The following ZNF521 variants were observed in gnomAD, a reference collection of about 807,000 sequenced individuals.
The protein encoded by ZNF521 is LYST-interacting protein 3.
In ZNF521, 14 loss-of-function variants were observed where a neutral mutation model predicts 105.5. The observed-to-expected ratio is 0.13, with a 90% confidence interval of 0.09 to 0.21. The LOEUF (loss-of-function observed/expected upper bound fraction) is 0.21, where lower values mean the gene tolerates loss of function less well. Ranked by LOEUF, ZNF521 falls within the 10% of genes least tolerant of loss-of-function variation. The pLI, the probability that ZNF521 is intolerant of heterozygous loss-of-function variation, is 1.00. For synonymous variants in ZNF521, 635 were observed against 606.0 expected (o/e 1.05, Z -0.70); for missense variants, 1,233 against 1,629.7 (o/e 0.76, Z 4.19).
At chr18:25,224,274 A>C in intron 4 of ZNF521, 71 bp downstream of exon 4, 1 of 1,333,352 alleles carries the variant, frequency 7.5e-7, no homozygotes, top group Non-Finnish European at 1.0e-6. Context: ...AAAGCTGTGG[A>C]GAGTGTAAAC....
intron 3 of ZNF521, among the ~76,000 whole-genome samples, chr18:25,269,207 C>T (rs928226746): frequency 2.9e-4 from 44 of 151,472 alleles, no homozygotes; most frequent in African/African-American, 9.0e-4. Context: ...ATTACATAAT[C>T]GTAAAGGAAT....
intron 2 of ZNF521, among the ~76,000 whole-genome samples, chr18:25,343,758 A>G (rs1914335844): frequency 6.6e-6 from 1 of 152,190 alleles, no homozygotes; most frequent in Non-Finnish European, 1.5e-5. Flanking sequence ...AGGATTTTTC[A>G]AAGCATTTAC....
intron 7 of ZNF521, among the ~76,000 whole-genome samples, chr18:25,066,563 G>GT (rs1276509999): frequency 6.6e-6 from 1 of 152,166 alleles, no homozygotes; most frequent in Non-Finnish European, 1.5e-5. Context: ...AGCACTCAGT[G>GT]TTTTTTGTGT....
chr18:25,170,417 A>G (rs1432518420), intron 5 of ZNF521, among the ~76,000 whole-genome samples: 1 of 152,098 alleles, frequency 6.6e-6, no homozygotes, highest in Non-Finnish European at 1.5e-5. Context: ...CAAATACAAC[A>G]TCTTTGTCCT....
chr18:25,247,404 C>A (rs1406630519), intron 3 of ZNF521, among the ~76,000 whole-genome samples: 7 of 152,118 alleles, frequency 4.6e-5, no homozygotes, highest in African/African-American at 1.7e-4. Context: ...CAAATGCAAA[C>A]ATTTGTGATC....
At chr18:25,158,891 G>T (rs2035197718) in intron 5 of ZNF521, among the ~76,000 whole-genome samples, 1 of 151,980 alleles carries the variant, frequency 6.6e-6, no homozygotes, top group Non-Finnish European at 1.5e-5. Flanking sequence ...AGAAGGTGGA[G>T]GTTGCAGTGA....
rs776855705 is a variant in ZNF521, at chr18:25,352,047, A to G, written c.-44T>C. 1 of 497,090 alleles carries G rather than the reference A, an allele frequency of 2.0e-6. No individual in the cohort carries two copies. Among genetic ancestry groups the G allele is most frequent in the Non-Finnish European group, 4.0e-6 (1 of 247,460 alleles). The allele number at this position is 497,090 out of a possible 1,614,324, so 30.8% of individuals were successfully genotyped here. On this transcript the variant is annotated 5_prime_UTR_variant, in exon 1 of 8. Transcript: ENST00000361524. ...GCGCTGTCGCTCCGGTAGTCCACAT[A>G]ATAATGGAAAATGGAAGCAAGGCCC... is the stretch of plus-strand genomic sequence containing the variant.
intron 4 of ZNF521, among the ~76,000 whole-genome samples, chr18:25,203,360 T>A (rs1334730386): frequency 3.9e-5 from 6 of 152,196 alleles, no homozygotes; most frequent in Non-Finnish European, 7.3e-5. Context: ...CTCATGCCTA[T>A]AACTCCAGCA....
intron 3 of ZNF521, among the ~76,000 whole-genome samples, chr18:25,246,508 T>G (rs1347975858): frequency 1.3e-5 from 2 of 152,218 alleles, no homozygotes; most frequent in Non-Finnish European, 2.9e-5. Flanking sequence ...GTTCACTATA[T>G]TTTATATTGT....
chr18:25,088,219 CTT>C (rs549305074), intron 7 of ZNF521, among the ~76,000 whole-genome samples: 4 of 147,686 alleles, frequency 2.7e-5, no homozygotes, highest in Non-Finnish European at 3.0e-5. Flanking sequence ...CTTTTCTTTT[CTT>C]TTTTTTTTTT....
chr18:25,062,771 A>AAAAAAAAAAAAAAAG, intron 7 of ZNF521, 30 bp from the exon 8 acceptor site: 1 of 1,482,580 alleles, frequency 6.7e-7, no homozygotes, highest in Non-Finnish European at 9.0e-7. Context: ...AAAAAAAAAA[A>AAAAAAAAAAAAAAAG]AAAAAAAAAA....
At chr18:25,276,118 A>C (rs113266960) in intron 3 of ZNF521, among the ~76,000 whole-genome samples, 2,317 of 152,204 alleles carry the variant, frequency 0.015, 69 homozygotes, top group African/African-American at 0.053. Flanking sequence ...CTGTGAGGCT[A>C]CTCAGGGCAT....
intron 3 of ZNF521, among the ~76,000 whole-genome samples, chr18:25,277,819 C>A (rs935165293): frequency 7.9e-5 from 12 of 151,936 alleles, no homozygotes; most frequent in African/African-American, 2.9e-4. Flanking sequence ...GATGATGAGG[C>A]CTTAAGAAAC....
At chr18:25,305,361 A>G (rs1911919774) in intron 3 of ZNF521, among the ~76,000 whole-genome samples, 1 of 152,256 alleles carries the variant, frequency 6.6e-6, no homozygotes, top group African/African-American at 2.4e-5. Context: ...ATTCTGTGTT[A>G]CTAAATAAAT....
intron 3 of ZNF521, among the ~76,000 whole-genome samples, chr18:25,298,221 G>A (rs1376283626): frequency 1.3e-5 from 2 of 152,126 alleles, no homozygotes; most frequent in African/African-American, 4.8e-5. Flanking sequence ...AAAATTTATA[G>A]AAGTCATTGA....
intron 5 of ZNF521, among the ~76,000 whole-genome samples, chr18:25,179,062 C>G (rs2144584185): frequency 7.4e-6 from 1 of 134,268 alleles, no homozygotes; most frequent in Admixed American, 7.5e-5. Context: ...ACCAAACAAA[C>G]CCCAAACCCT....
At chr18:25,080,946 C>T (rs1052139869) in intron 7 of ZNF521, among the ~76,000 whole-genome samples, 18 of 152,282 alleles carry the variant, frequency 1.2e-4, no homozygotes, top group Non-Finnish European at 2.1e-4. Flanking sequence ...CCAAAGGATC[C>T]GACTACAAAG....
intron 4 of ZNF521, among the ~76,000 whole-genome samples, chr18:25,208,529 G>A (rs972748057): frequency 2.6e-5 from 4 of 151,904 alleles, no homozygotes; most frequent in Non-Finnish European, 2.9e-5. Context: ...TTACCTGGTC[G>A]TTTAGTTTTC....
intron 4 of ZNF521, among the ~76,000 whole-genome samples, chr18:25,222,982 G>A (rs1425857616): frequency 8.5e-5 from 13 of 152,202 alleles, no homozygotes; most frequent in Admixed American, 8.5e-4. Flanking sequence ...CTTATCTGGA[G>A]GACCTGGGGA....
Sources: allele counts gnomAD v4.1 joint callset (sites outside exome capture counted in the v4.1 genomes callset), GRCh38; gene constraint gnomAD v4.1.1; transcripts MANE v1.5; gene names NCBI Gene and HGNC (gene_info 2026-07-23, HGNC 2026-07-21).